The following GMDS variants were observed in gnomAD, a reference collection of about 807,000 sequenced individuals.
The protein encoded by GMDS is GDP-mannose 4,6 dehydratase.
GMDS carries 20 observed loss-of-function variants against 49.9 expected under a neutral mutation model. The observed-to-expected ratio is 0.40, with a 90% CI of 0.28 to 0.58. GMDS has a LOEUF of 0.58. Ranked by LOEUF, GMDS falls within the 20% of genes least tolerant of loss-of-function variation. The probability of loss-of-function intolerance (pLI) is 0.42; values close to 1 mark genes in which losing one functional copy is unlikely to be tolerated. For missense variants in GMDS, 362 were observed against 481.4 expected (o/e 0.75, Z 2.32); for synonymous variants, 177 against 178.6 (o/e 0.99, Z 0.07).
intron 4 of GMDS, among the ~76,000 whole-genome samples, chr6:1,962,623 T>A (rs1033556627): frequency 2.0e-5 from 3 of 152,190 alleles, no homozygotes; most frequent in Admixed American, 2.0e-4. Context: ...GGTTTTTCTT[T>A]TTCCTAATAA....
chr6:2,161,289 G>A (rs766591550), intron 1 of GMDS, among the ~76,000 whole-genome samples: 10 of 152,156 alleles, frequency 6.6e-5, no homozygotes, highest in South Asian at 2.1e-4. Flanking sequence ...GATTACAAGC[G>A]TGAGCCACCA....
chr6:1,772,420 G>A (rs769212164), intron 7 of GMDS, among the ~76,000 whole-genome samples: 2 of 152,146 alleles, frequency 1.3e-5, no homozygotes, highest in African/African-American at 2.4e-5. Flanking sequence ...CACATAAAGA[G>A]AAAAGGCAAG....
At chr6:1,853,886 A>C (rs1290944670) in intron 7 of GMDS, among the ~76,000 whole-genome samples, 1 of 152,170 alleles carries the variant, frequency 6.6e-6, no homozygotes, top group Non-Finnish European at 1.5e-5. Flanking sequence ...GTGTATTTTT[A>C]ATTTCCCCCC....
chr6:1,926,331 A>G (rs1036131280), intron 7 of GMDS, among the ~76,000 whole-genome samples: 1 of 152,140 alleles, frequency 6.6e-6, no homozygotes, highest in Admixed American at 6.5e-5. Flanking sequence ...AGCTGTAAAC[A>G]TTCACCCCTA....
Position 2,061,718 on chromosome 6 carries a change from C to CAAAA in GMDS, c.345+54049_345+54052dup, listed in dbSNP as rs68037512. On this transcript the variant is annotated intron_variant, in intron 4 of 10. Coordinates refer to ENST00000380815, the MANE Select transcript of GMDS (RefSeq NM_001500.4). The stretch of plus-strand genomic sequence containing the variant: ...TGGGTGACAGTGCAAGACTCTGTCT[C>CAAAA]AAAAAAAAAAAAAAAAAAAAAAAAA... Among the ~76,000 whole-genome samples, 70 of 56,984 alleles carry CAAAA rather than the reference C, an allele frequency of 1.2e-3. 1 individual carries two copies. Among genetic ancestry groups the CAAAA allele is most frequent in the East Asian group, 2.9e-3 (5 of 1,754 alleles). The allele number at this position is 56,984 out of a possible 152,430, so 37.4% of individuals were successfully genotyped here.
At chr6:1,892,680 A>T (rs1683063070) in intron 7 of GMDS, among the ~76,000 whole-genome samples, 1 of 152,140 alleles carries the variant, frequency 6.6e-6, no homozygotes, top group Non-Finnish European at 1.5e-5. Context: ...TTAACTCCCT[A>T]TATGAATTAC....
rs547906323 is a variant in GMDS at position 1,635,429 on chromosome 6, G to A, written c.988-10889C>T. 1.3e-5 allele frequency among the ~76,000 whole-genome samples: 2 copies of A among 152,360 alleles called. No homozygotes were observed. The highest frequency in any genetic ancestry group is 4.8e-5 in the African/African-American group (2 of 41,582). On this transcript the variant is annotated intron_variant, in intron 9 of 10. Transcript: ENST00000380815. This position sits in a 1 kb window ranked among gnomAD's most constrained non-coding sequence, Gnocchi z 4.7. ...CCGGCTGCAGCAGGAGGAAGTCCGA[G>A]AGGGGGCCTTTCACATGACATCATA...
intron 9 of GMDS, among the ~76,000 whole-genome samples, chr6:1,652,741 GACAGAC>G (rs1474448252): frequency 1.1e-5 from 1 of 92,448 alleles, no homozygotes; most frequent in African/African-American, 5.0e-5. Context: ...GAGAGAGAGA[GACAGAC>G]AGACAGACAG....
intron 9 of GMDS, among the ~76,000 whole-genome samples, chr6:1,632,088 G>A (rs750690848): frequency 2.6e-5 from 4 of 152,154 alleles, no homozygotes; most frequent in African/African-American, 4.8e-5. Flanking sequence ...GTCCTATACC[G>A]AAATGTATCT....
intron 7 of GMDS, among the ~76,000 whole-genome samples, chr6:1,829,640 A>G (rs886106565): frequency 2.0e-5 from 3 of 152,202 alleles, no homozygotes; most frequent in Admixed American, 2.0e-4. Flanking sequence ...GGGTTCTGCC[A>G]TGTTGGCTGG....
chr6:1,713,290 C>T lies in GMDS; in HGVS notation c.987+13126G>A, dbSNP rs141259105. ...ATGAAGTGTCCTCGCCTCCACTGGA[C>T]TCCAGTGTGTGTTATCTTTTCACCT... On this transcript the variant is annotated intron_variant, in intron 9 of 10. Coordinates refer to ENST00000380815, the MANE Select transcript of GMDS (RefSeq NM_001500.4). Among the ~76,000 whole-genome samples, 8 of 152,374 alleles carry T rather than the reference C, an allele frequency of 5.3e-5. 1 individual carries two copies. Among genetic ancestry groups the T allele is most frequent in the African/African-American group, 1.9e-4 (8 of 41,584 alleles).
chr6:1,795,508 GTATC>G (rs2113645659), intron 7 of GMDS, among the ~76,000 whole-genome samples: 1 of 152,262 alleles, frequency 6.6e-6, no homozygotes, highest in South Asian at 2.1e-4. Flanking sequence ...ATTAGGAAGA[GTATC>G]TATGCGTGCC....
At chr6:1,761,106 T>C (rs1046990052) in intron 7 of GMDS, among the ~76,000 whole-genome samples, 13 of 152,270 alleles carry the variant, frequency 8.5e-5, no homozygotes, top group African/African-American at 3.1e-4. Flanking sequence ...GAAGGGCCTG[T>C]CCACATGACT....
chr6:1,630,488 G>T (rs1762965669), intron 9 of GMDS, among the ~76,000 whole-genome samples: 1 of 152,220 alleles, frequency 6.6e-6, no homozygotes, highest in South Asian at 2.1e-4. Flanking sequence ...TGTCTGCCCT[G>T]TCCAGCCCTG....
chr6:1,876,611 A>C (rs1263666659), intron 7 of GMDS, among the ~76,000 whole-genome samples: 1 of 152,182 alleles, frequency 6.6e-6, no homozygotes, highest in African/African-American at 2.4e-5. Flanking sequence ...CCTCACTTCA[A>C]ATGGTAATAA....
chr6:1,710,453 C>T (rs1349749672), intron 9 of GMDS, among the ~76,000 whole-genome samples: 2 of 152,202 alleles, frequency 1.3e-5, no homozygotes, highest in African/African-American at 4.8e-5. Flanking sequence ...CTGGACCTGC[C>T]GTGGTATAAC....
At chr6:1,914,481 GA>G (rs1253352915) in intron 7 of GMDS, among the ~76,000 whole-genome samples, 3 of 148,180 alleles carry the variant, frequency 2.0e-5, no homozygotes, top group Non-Finnish European at 3.0e-5. Context: ...AAAAAAAAAA[GA>G]AAAAAAAGAG....
chr6:2,158,862 G>A (rs1373452949), intron 1 of GMDS, among the ~76,000 whole-genome samples: 1 of 152,158 alleles, frequency 6.6e-6, no homozygotes, highest in Non-Finnish European at 1.5e-5. Flanking sequence ...AATTCCTTAC[G>A]CTGCCAGAGG....
At chr6:2,237,521 T>C (rs915411314) in intron 1 of GMDS, among the ~76,000 whole-genome samples, 2 of 148,962 alleles carry the variant, frequency 1.3e-5, no homozygotes, top group Non-Finnish European at 3.0e-5. Flanking sequence ...GAAGTACCTT[T>C]TTTTTTTTTT....
Sources: allele counts gnomAD v4.1 joint callset (sites outside exome capture counted in the v4.1 genomes callset), GRCh38; gene constraint gnomAD v4.1.1; non-coding constraint Gnocchi (gnomAD v3.1); transcripts MANE v1.5; gene names NCBI Gene and HGNC (gene_info 2026-07-23, HGNC 2026-07-21).